PFKFB1: variants seen among roughly 807,000 people sequenced by gnomAD.
PFKFB1 encodes the protein 6-phosphofructo-2-kinase/fructose-2,6-biphosphatase 1, also known as 6-phosphofructo-2-kinase/fructose-2,6-bisphosphatase 1.
A neutral mutation model predicts 46.4 loss-of-function variants in PFKFB1; 34 were observed. The observed-to-expected ratio is 0.73, with a 90% CI of 0.56 to 0.98. The LOEUF (loss-of-function observed/expected upper bound fraction) is 0.98, where lower values mean the gene tolerates loss of function less well. Among genes scored for constraint, PFKFB1 ranks in the 50% least tolerant of loss-of-function variants. The probability of loss-of-function intolerance (pLI) is 0.00; values close to 1 mark genes in which losing one functional copy is unlikely to be tolerated. For missense variants in PFKFB1, 393 were observed against 376.3 expected (o/e 1.04, Z -0.37); for synonymous variants, 119 against 133.8 (o/e 0.89, Z 0.76).
chrX:54,962,867 G>A (rs950143522), intron 2 of PFKFB1, among the ~76,000 whole-genome samples: 6 of 111,698 alleles, frequency 5.4e-5, no homozygotes, highest in African/African-American at 1.6e-4. Context: ...TTCACTCCTT[G>A]GGCCTTAATT....
intron 1 of PFKFB1, among the ~76,000 whole-genome samples, chrX:54,991,860 G>A (rs1935251440): frequency 9.0e-6 from 1 of 111,493 alleles, no homozygotes; most frequent in African/African-American, 3.3e-5. Flanking sequence ...CATAATGTTG[G>A]ATGAGAAAAG....
At chrX:54,966,405 A>T (rs1286482916) in intron 1 of PFKFB1, among the ~76,000 whole-genome samples, 1 of 112,483 alleles carries the variant, frequency 8.9e-6, no homozygotes, top group Non-Finnish European at 1.9e-5. Context: ...GCCTGAATTC[A>T]ACATGGTGTG....
rs774931167 is a variant in PFKFB1 at position 54,963,341 on chromosome X, T to C, written c.139A>G (p.Met47Val). The C allele has an allele frequency of 1.7e-5, 21 of 1,207,781 alleles. No homozygotes were observed. In the East Asian group the frequency reaches 3.6e-4, roughly 20 times the overall value. Residue 47 changes from methionine (M) to valine (V), a missense_variant, in exon 2 of 14, where the codon ATG (methionine) becomes GTG (valine). Coordinates refer to ENST00000375006, the MANE Select transcript of PFKFB1 (RefSeq NM_002625.4). ...QFTNSPTMVIMVGLPARGKTY... is the reference protein window; with the variant it reads ...QFTNSPTMVIVVGLPARGKTY... Reference sequence around the variant, plus strand: ...TTGCCTCGAGCTGGTAAACCCACCATGATCACCATTGTGGGGGAATTGGTA... The same window carrying C: ...TTGCCTCGAGCTGGTAAACCCACCACGATCACCATTGTGGGGGAATTGGTA...
chrX:54,967,401 T>C (rs1051962916), intron 1 of PFKFB1, among the ~76,000 whole-genome samples: 1 of 110,773 alleles, frequency 9.0e-6, no homozygotes, highest in Non-Finnish European at 1.9e-5. Context: ...ATTCAGGACA[T>C]AGGCATGGGC....
chrX:54,937,531 T>C, intron 11 of PFKFB1, 64 bp downstream of exon 11: 1 of 1,034,150 alleles, frequency 9.7e-7, no homozygotes. Flanking sequence ...TATAGATATC[T>C]AATTGTTGGT....
intron 11 of PFKFB1, 125 bp from the exon 12 acceptor site, chrX:54,935,134 G>A: frequency 3.8e-6 from 2 of 532,243 alleles, no homozygotes; most frequent in South Asian, 5.3e-5. Flanking sequence ...GCCTCACCAG[G>A]GGCCCACTCC....
upstream of PFKFB1, chrX:54,994,777 A>C (rs759309875): frequency 1.3e-5 from 10 of 751,127 alleles, no homozygotes; most frequent in East Asian, 1.5e-3. Context: ...GCACTCTTGA[A>C]GAGATGGGCA....
Position 54,945,721 on chromosome X carries a change from C to CGTGT in PFKFB1, c.994-182_994-179dup, listed in dbSNP as rs779266579. Among the ~76,000 whole-genome samples, 639 of 88,722 alleles carry CGTGT rather than the reference C, an allele frequency of 7.2e-3. 4 individuals are homozygous for CGTGT. Among genetic ancestry groups the CGTGT allele is most frequent in the African/African-American group, 0.018 (441 of 25,084 alleles). The allele number at this position is 88,722 out of a possible 115,157, so 77.0% of individuals were successfully genotyped here. A position where few individuals can be genotyped will look rare whatever the true frequency, so the allele number is the denominator to read the frequency against. ...GTATGCGTGTGTGTGTGTGTGTGTGCGTGTGTGTGTGTGTGTGTGTGTGAG... is the reference window on the plus strand; with the variant it reads ...GTATGCGTGTGTGTGTGTGTGTGTGCGTGTGTGTGTGTGTGTGTGTGTGTGTGAG... On this transcript the variant is annotated intron_variant, in intron 9 of 13. Transcript: ENST00000375006.
chrX:54,989,867 G>A (rs978600814), intron 1 of PFKFB1, among the ~76,000 whole-genome samples: 1 of 111,867 alleles, frequency 8.9e-6, no homozygotes, highest in African/African-American at 3.2e-5. Flanking sequence ...TAATCAGTAG[G>A]TCCTGGCTAT....
chrX:54,990,947 A>G (rs750746106), intron 1 of PFKFB1, among the ~76,000 whole-genome samples: 6 of 112,253 alleles, frequency 5.3e-5, no homozygotes, highest in Admixed American at 9.4e-5. Context: ...AACGTCTTTA[A>G]CCTATTAAAT....
chrX:54,996,911 C>A (rs1935365270), upstream of PFKFB1, among the ~76,000 whole-genome samples: 1 of 111,253 alleles, frequency 9.0e-6, no homozygotes, highest in Admixed American at 9.5e-5. Flanking sequence ...TTGGGACAGG[C>A]CTTGTATTTG....
At chrX:54,978,482 T>C (rs1170387264) in intron 1 of PFKFB1, among the ~76,000 whole-genome samples, 1 of 111,668 alleles carries the variant, frequency 9.0e-6, no homozygotes, top group Non-Finnish European at 1.9e-5. Context: ...AAGGAGAATC[T>C]GAAGAGTTGC....
intron 1 of PFKFB1, among the ~76,000 whole-genome samples, chrX:54,966,267 T>A (rs1226657431): frequency 8.9e-6 from 1 of 112,064 alleles, no homozygotes; most frequent in Non-Finnish European, 1.9e-5. Flanking sequence ...TCTGAGAGAA[T>A]GCATGGACAA....
intron 1 of PFKFB1, among the ~76,000 whole-genome samples, chrX:54,965,928 A>G (rs1287968898): frequency 1.8e-5 from 2 of 111,277 alleles, no homozygotes; most frequent in East Asian, 5.6e-4. Flanking sequence ...AATAATAAAT[A>G]AATACATGAG....
chrX:54,969,115 T>C (rs2146650358), intron 1 of PFKFB1, among the ~76,000 whole-genome samples: 1 of 111,489 alleles, frequency 9.0e-6, no homozygotes, highest in Admixed American at 9.5e-5. Context: ...AACCCCATGG[T>C]ATGGTTTGAA....
chrX:54,955,939 C>T (rs771504940), intron 7 of PFKFB1, among the ~76,000 whole-genome samples: 1 of 111,992 alleles, frequency 8.9e-6, no homozygotes, highest in East Asian at 2.8e-4. Context: ...TCATATTGCT[C>T]AGGAAAGCAC....
chrX:54,943,862 T>C (rs1407700816), intron 10 of PFKFB1, among the ~76,000 whole-genome samples: 1 of 111,740 alleles, frequency 8.9e-6, no homozygotes, highest in Non-Finnish European at 1.9e-5. Flanking sequence ...GGGGCAAGAA[T>C]GATCAGAGGA....
In PFKFB1 at chrX:54,934,932, G is replaced by A; in HGVS notation, c.1291+15C>T. ...CTCTATATGCCTGTCCTTTGATCAG[G>A]GTGGGAGTACTTACCATAAGCCACA... On this transcript the variant is annotated intron_variant, in intron 12 of 13. Transcript: ENST00000375006. 1 of 1,179,817 alleles carries A rather than the reference G, an allele frequency of 8.5e-7. No individual in the cohort carries two copies.
intron 1 of PFKFB1, among the ~76,000 whole-genome samples, chrX:54,981,812 G>T (rs1264465564): frequency 9.0e-6 from 1 of 111,032 alleles, no homozygotes; most frequent in African/African-American, 3.3e-5. Context: ...AGAAAAATTG[G>T]GTCACACTGA....
Sources: allele counts gnomAD v4.1 joint callset (sites outside exome capture counted in the v4.1 genomes callset), GRCh38; gene constraint gnomAD v4.1.1; transcripts MANE v1.5; gene names NCBI Gene and HGNC (gene_info 2026-07-23, HGNC 2026-07-21).